TRIM75: variants seen among roughly 807,000 people sequenced by gnomAD.
TRIM75 encodes tripartite motif containing 75.
the TRIM75 span, among the ~76,000 whole-genome samples, chr4:165,054,788 T>C: frequency 2.6e-5 from 4 of 152,142 alleles, no homozygotes; most frequent in African/African-American, 9.7e-5. Flanking sequence ...AAATGCTTAC[T>C]AAAAAAAGTT....
chr4:165,058,120 G>C, the TRIM75 span, among the ~76,000 whole-genome samples: 1 of 152,056 alleles, frequency 6.6e-6, no homozygotes. Context: ...AAGGATGTAA[G>C]AGCAAGGTAA....
chr4:165,059,401 A>C, the TRIM75 span: 1 of 780,856 alleles, frequency 1.3e-6, no homozygotes, highest in South Asian at 1.3e-5. Flanking sequence ...CAGAGCACCA[A>C]GAGTAATAAA....
the TRIM75 span, among the ~76,000 whole-genome samples, chr4:165,058,317 C>T: frequency 6.6e-6 from 1 of 152,136 alleles, no homozygotes; most frequent in African/African-American, 2.4e-5. Flanking sequence ...TACAGGTGCG[C>T]ACCATCATGC....
chr4:165,058,426 C>G, the TRIM75 span, among the ~76,000 whole-genome samples: 1 of 151,994 alleles, frequency 6.6e-6, no homozygotes, highest in African/African-American at 2.4e-5. Context: ...CTTACCAAGA[C>G]AAAAGTTTAA....
the TRIM75 span, among the ~76,000 whole-genome samples, chr4:165,054,714 A>T: frequency 6.6e-6 from 1 of 152,170 alleles, no homozygotes; most frequent in African/African-American, 2.4e-5. Flanking sequence ...AGGTTATTTT[A>T]AAACGCACGC....
chr4:165,059,057 AAG>A, the TRIM75 span: 9 of 638,048 alleles, frequency 1.4e-5, no homozygotes, highest in Non-Finnish European at 2.3e-5. Flanking sequence ...AGTGAGATCT[AAG>A]AGCATATCTG....
the TRIM75 span, among the ~76,000 whole-genome samples, chr4:165,056,325 G>C: frequency 6.6e-6 from 1 of 150,916 alleles, no homozygotes; most frequent in Non-Finnish European, 1.5e-5. Flanking sequence ...AGTGATTCCT[G>C]AGACCCTCCA....
chr4:165,055,923 C>T, the TRIM75 span, among the ~76,000 whole-genome samples: 9 of 135,598 alleles, frequency 6.6e-5, no homozygotes, highest in Admixed American at 3.1e-4. Flanking sequence ...CTCTCTCTCC[C>T]TTTTTTTTTT....
chr4:165,058,051 G>A, the TRIM75 span, among the ~76,000 whole-genome samples: 199 of 152,118 alleles, frequency 1.3e-3, no homozygotes, highest in African/African-American at 4.5e-3. Flanking sequence ...GTGTTATCTC[G>A]TTGGGTTTCA....
chr4:165,058,345 T>A, the TRIM75 span, among the ~76,000 whole-genome samples: 1 of 151,674 alleles, frequency 6.6e-6, no homozygotes, highest in Non-Finnish European at 1.5e-5. Flanking sequence ...ATTTTTTTTT[T>A]ATTTTTTTAT....
the TRIM75 span, among the ~76,000 whole-genome samples, chr4:165,057,509 A>T: frequency 6.6e-6 from 1 of 152,042 alleles, no homozygotes; most frequent in Non-Finnish European, 1.5e-5. Context: ...CAAAGGAAAA[A>T]CTTTTTAAGT....
At chr4:165,058,916 A>C in the TRIM75 span, among the ~76,000 whole-genome samples, 1 of 152,162 alleles carries the variant, frequency 6.6e-6, no homozygotes, top group African/African-American at 2.4e-5. Flanking sequence ...GACTGCCGGC[A>C]GGCTGTGTGT....
At chr4:165,060,187 G>A in the TRIM75 span, 1 of 780,894 alleles carries the variant, frequency 1.3e-6, no homozygotes, top group Non-Finnish European at 2.4e-6. Flanking sequence ...TTTCATTCTG[G>A]CAGGCATTTC....
At chr4:165,055,814 G>T in the TRIM75 span, among the ~76,000 whole-genome samples, 1 of 152,090 alleles carries the variant, frequency 6.6e-6, no homozygotes, top group Admixed American at 6.6e-5. Context: ...TAGGCGTGGT[G>T]GTTCACGCCT....
chr4:165,056,181 G>C, the TRIM75 span, among the ~76,000 whole-genome samples: 1 of 151,938 alleles, frequency 6.6e-6, no homozygotes. Context: ...TTTTCAGCTT[G>C]GCGAGGTGGC....
At chr4:165,058,093 T>C in the TRIM75 span, among the ~76,000 whole-genome samples, 2 of 152,220 alleles carry the variant, frequency 1.3e-5, no homozygotes, top group African/African-American at 4.8e-5. Flanking sequence ...CTGTGGCCTA[T>C]TCAACTGTAG....
the TRIM75 span, among the ~76,000 whole-genome samples, chr4:165,055,923 C>CCT: frequency 1.5e-5 from 2 of 135,616 alleles, no homozygotes; most frequent in Non-Finnish European, 3.1e-5. Flanking sequence ...CTCTCTCTCC[C>CCT]TTTTTTTTTT....
At chr4:165,059,661 C>A in the TRIM75 span, 1 of 780,798 alleles carries the variant, frequency 1.3e-6, no homozygotes, top group Non-Finnish European at 2.4e-6. Context: ...ACCCTTAGAA[C>A]TGAGAGAGAT....
the TRIM75 span, among the ~76,000 whole-genome samples, chr4:165,058,391 T>C: frequency 1.3e-5 from 2 of 152,076 alleles, no homozygotes; most frequent in Non-Finnish European, 2.9e-5. Context: ...ATGGGCTCAG[T>C]CTACATTGCC....
Sources: allele counts gnomAD v4.1 joint callset (sites outside exome capture counted in the v4.1 genomes callset), GRCh38; gene constraint gnomAD v4.1.1; transcripts MANE v1.5; gene names NCBI Gene and HGNC (gene_info 2026-07-23, HGNC 2026-07-21).